GPC6: variants seen among roughly 807,000 people sequenced by gnomAD.
The protein encoded by GPC6 is glypican 6, also known as glypican-6.
A neutral mutation model predicts 55.2 loss-of-function variants in GPC6; 14 were observed. The observed-to-expected ratio is 0.25, with a 90% CI of 0.17 to 0.40. GPC6 has a LOEUF of 0.40. Among genes scored for constraint, GPC6 ranks in the 10% least tolerant of loss-of-function variants. The pLI is 1.00. For missense variants in GPC6, 641 were observed against 708.5 expected (o/e 0.90, Z 1.08); for synonymous variants, 278 against 259.6 (o/e 1.07, Z -0.68).
At chr13:93,288,685 A>G (rs1273329391) in intron 1 of GPC6, among the ~76,000 whole-genome samples, 1 of 152,210 alleles carries the variant, frequency 6.6e-6, no homozygotes, top group Non-Finnish European at 1.5e-5. Context: ...AAGTTGTTGT[A>G]TAGGGAATAA....
At chr13:94,251,308 G>T (rs1389973869) in intron 4 of GPC6, among the ~76,000 whole-genome samples, 1 of 151,664 alleles carries the variant, frequency 6.6e-6, no homozygotes, top group Non-Finnish European at 1.5e-5. Context: ...GCAGGGGGTG[G>T]GGGGCAAAGC....
intron 1 of GPC6, among the ~76,000 whole-genome samples, chr13:93,238,491 G>GTT (rs35289772): frequency 2.6e-5 from 4 of 151,756 alleles, no homozygotes; most frequent in African/African-American, 7.2e-5. Context: ...AGTCTTTAGG[G>GTT]TTTTTTTAGG....
At chr13:94,137,383 C>T (rs1887220766) in intron 4 of GPC6, among the ~76,000 whole-genome samples, 1 of 151,968 alleles carries the variant, frequency 6.6e-6, no homozygotes, top group African/African-American at 2.4e-5. Flanking sequence ...AGAAAATAGG[C>T]AGGGGATTTG....
At chr13:93,844,370 C>G (rs1054144572) in intron 3 of GPC6, among the ~76,000 whole-genome samples, 1 of 152,162 alleles carries the variant, frequency 6.6e-6, no homozygotes, top group African/African-American at 2.4e-5. Context: ...ATCTCTTGAC[C>G]TCATGGTCCG....
intron 1 of GPC6, among the ~76,000 whole-genome samples, chr13:93,269,891 C>CAAAAAAAA (rs529558741): frequency 3.8e-5 from 2 of 52,596 alleles, no homozygotes; most frequent in South Asian, 6.1e-4. Flanking sequence ...GACTCCATCT[C>CAAAAAAAA]AAAAAAAAAA....
intron 3 of GPC6, among the ~76,000 whole-genome samples, chr13:93,941,743 C>A (rs1298912444): frequency 6.6e-6 from 1 of 152,102 alleles, no homozygotes; most frequent in East Asian, 1.9e-4. Context: ...AATAGTATAT[C>A]TATCAAAATA....
At chr13:94,044,860 A>G (rs565805744) in intron 4 of GPC6, among the ~76,000 whole-genome samples, 7 of 151,862 alleles carry the variant, frequency 4.6e-5, no homozygotes, top group African/African-American at 1.7e-4. Context: ...TTTTCCACCT[A>G]TTCATTTTGA....
chr13:93,339,530 G>T (rs1043751891), intron 1 of GPC6, among the ~76,000 whole-genome samples: 1 of 152,112 alleles, frequency 6.6e-6, no homozygotes, highest in Non-Finnish European at 1.5e-5. Context: ...GCACAATAGT[G>T]ACTTAGTCAA....
At chr13:94,397,317 G>A (rs1320044774) in intron 7 of GPC6, among the ~76,000 whole-genome samples, 1 of 151,990 alleles carries the variant, frequency 6.6e-6, no homozygotes, top group African/African-American at 2.4e-5. Context: ...GAGTCAGAGA[G>A]GGCCCCAAGC....
chr13:94,220,958 C>T, intron 4 of GPC6, among the ~76,000 whole-genome samples: 1 of 152,026 alleles, frequency 6.6e-6, no homozygotes, highest in African/African-American at 2.4e-5. Flanking sequence ...GGGCATAATT[C>T]AAGCCATAAC....
intron 2 of GPC6, among the ~76,000 whole-genome samples, chr13:93,602,105 A>C (rs1226839976): frequency 6.6e-6 from 1 of 152,222 alleles, no homozygotes; most frequent in East Asian, 1.9e-4. Flanking sequence ...AGAAAGGGAA[A>C]GGTACATTGT....
At chr13:93,369,900 C>T (rs1028527447) in intron 1 of GPC6, among the ~76,000 whole-genome samples, 6 of 151,994 alleles carry the variant, frequency 3.9e-5, no homozygotes, top group Admixed American at 3.9e-4. Context: ...TTTTCCATGG[C>T]CTGCTGTATT....
At chr13:93,596,610 A>AATATAT (rs66682625) in intron 2 of GPC6, among the ~76,000 whole-genome samples, 3 of 132,870 alleles carry the variant, frequency 2.3e-5, no homozygotes, top group South Asian at 2.3e-4. Context: ...TAAATAAATA[A>AATATAT]ATATATATAT....
At chr13:94,289,943 C>T (rs1463096975) in intron 5 of GPC6, among the ~76,000 whole-genome samples, 1 of 152,172 alleles carries the variant, frequency 6.6e-6, no homozygotes, top group Admixed American at 6.5e-5. Flanking sequence ...CCCATGACCA[C>T]TTTGAGTTGT....
chr13:93,929,874 A>G (rs1878066494), intron 3 of GPC6, among the ~76,000 whole-genome samples: 1 of 151,994 alleles, frequency 6.6e-6, no homozygotes, highest in Non-Finnish European at 1.5e-5. Context: ...AAAAGAAGAG[A>G]AGAGAAAAGA....
intron 4 of GPC6, among the ~76,000 whole-genome samples, chr13:94,137,056 G>C (rs1472551549): frequency 3.9e-5 from 6 of 152,172 alleles, no homozygotes; most frequent in African/African-American, 1.2e-4. Context: ...CTAAATTTCT[G>C]ACTTTCACAA....
chr13:93,841,787 GAGC>G (rs1396999296), intron 3 of GPC6, among the ~76,000 whole-genome samples: 1 of 152,172 alleles, frequency 6.6e-6, no homozygotes, highest in African/African-American at 2.4e-5. Context: ...ACTGAACAGA[GAGC>G]AGTGGATTTT....
intron 2 of GPC6, among the ~76,000 whole-genome samples, chr13:93,579,519 T>G (rs1196947128): frequency 6.6e-6 from 1 of 151,526 alleles, no homozygotes; most frequent in Non-Finnish European, 1.5e-5. Flanking sequence ...ATGGGAGAAA[T>G]TATGTGTGTG....
chr13:94,037,202 CA>C (rs930597613), intron 4 of GPC6, among the ~76,000 whole-genome samples: 1 of 151,964 alleles, frequency 6.6e-6, no homozygotes, highest in Non-Finnish European at 1.5e-5. Context: ...AAATGAAACA[CA>C]TATGTCCATT....
Sources: gnomAD v4.1 joint callset for allele counts (sites outside exome capture counted in the v4.1 genomes callset) on GRCh38, gnomAD v4.1.1 for gene constraint, MANE v1.5 for transcripts, NCBI Gene and HGNC (gene_info 2026-07-23, HGNC 2026-07-21) for gene names.